Variants in ALX4 observed in about 807,000 individuals in gnomAD.
ALX4 encodes the protein ALX homeobox 4.
In ALX4, 22 loss-of-function variants were observed where a neutral mutation model predicts 40.6. The observed-to-expected ratio is 0.54, with a 90% CI of 0.39 to 0.77. The LOEUF is 0.77. ALX4 is among the 30% of genes least tolerant of loss of function. ALX4 has a pLI of 0.00. For synonymous variants in ALX4, 266 were observed against 240.5 expected (o/e 1.11, Z -0.98); for missense variants, 556 against 564.8 (o/e 0.98, Z 0.16).
chr11:44,303,315 C>T (rs1017809701), intron 1 of ALX4, among the ~76,000 whole-genome samples: 2 of 152,220 alleles, frequency 1.3e-5, no homozygotes, highest in Admixed American at 6.5e-5. Flanking sequence ...CTCTCTGCCC[C>T]CAATGTGCAG....
At chr11:44,305,836 A>G (rs950372510) in intron 1 of ALX4, among the ~76,000 whole-genome samples, 1 of 152,228 alleles carries the variant, frequency 6.6e-6, no homozygotes, top group African/African-American at 2.4e-5. Flanking sequence ...ACCTGTCGCC[A>G]CCGAATCGAA....
chr11:44,301,644 G>A (rs752796609), intron 1 of ALX4, among the ~76,000 whole-genome samples: 6 of 152,180 alleles, frequency 3.9e-5, no homozygotes, highest in Non-Finnish European at 7.3e-5. Flanking sequence ...TGGACTTATT[G>A]CAGGAGTCGC....
At chr11:44,283,677 C>T (rs997378131) in intron 1 of ALX4, among the ~76,000 whole-genome samples, 6 of 152,164 alleles carry the variant, frequency 3.9e-5, no homozygotes, top group African/African-American at 1.2e-4. Context: ...GATTGTCGGA[C>T]CTCGGCCTCC....
chr11:44,292,662 TA>T (rs1418157147), intron 1 of ALX4, among the ~76,000 whole-genome samples: 1 of 152,232 alleles, frequency 6.6e-6, no homozygotes. Context: ...TAATTATACC[TA>T]AAAGTTTTGG....
intron 1 of ALX4, among the ~76,000 whole-genome samples, chr11:44,276,464 A>AC (rs1233154453): frequency 7.2e-5 from 11 of 151,816 alleles, no homozygotes; most frequent in East Asian, 1.9e-4. Context: ...TGGCAGATGG[A>AC]CCCCCCACCC....
chr11:44,307,956 G>A (rs1284040071), intron 1 of ALX4, among the ~76,000 whole-genome samples: 1 of 152,060 alleles, frequency 6.6e-6, no homozygotes, highest in Non-Finnish European at 1.5e-5. Context: ...AACTGTGTGT[G>A]CCTGCATGTG....
chr11:44,293,132 GA>G (rs1182944458), intron 1 of ALX4, among the ~76,000 whole-genome samples: 5 of 58,110 alleles, frequency 8.6e-5, no homozygotes, highest in African/African-American at 2.5e-4. Context: ...AGGAAGGAAG[GA>G]AGGAAGGAAG....
At chr11:44,273,468 C>A (rs1392904466) in intron 2 of ALX4, among the ~76,000 whole-genome samples, 1 of 152,166 alleles carries the variant, frequency 6.6e-6, no homozygotes, top group Non-Finnish European at 1.5e-5. Flanking sequence ...GGGGCAGATA[C>A]AGCTCTCTGG....
chr11:44,264,536 G>T lies in ALX4; in HGVS notation c.*318C>A. ...TCATGGTCAACTAGGCAGAGCAGAGGAGTGGGCGGGAGCAAGAAAGCGCTT... is the reference window on the plus strand; with the variant it reads ...TCATGGTCAACTAGGCAGAGCAGAGTAGTGGGCGGGAGCAAGAAAGCGCTT... On this transcript the variant is annotated 3_prime_UTR_variant, in exon 4 of 4. Transcript: ENST00000652299. The T allele has an allele frequency of 2.2e-6, 1 of 456,044 alleles. No individual in the cohort carries two copies. Among genetic ancestry groups the T allele is most frequent in the Non-Finnish European group, 4.0e-6 (1 of 248,922 alleles). 28.2% of individuals were successfully genotyped at this position (456,044 alleles called of 1,614,324 possible).
chr11:44,273,283 T>C (rs1203176506), intron 2 of ALX4, among the ~76,000 whole-genome samples: 1 of 152,188 alleles, frequency 6.6e-6, no homozygotes, highest in East Asian at 1.9e-4. Flanking sequence ...GTGGCAACGT[T>C]TTATTTGCTA....
chr11:44,295,972 C>T (rs115051602), intron 1 of ALX4, among the ~76,000 whole-genome samples: 1,535 of 152,292 alleles, frequency 0.01, 24 homozygotes, highest in African/African-American at 0.035. Context: ...CTCCAGGTCC[C>T]GGAAAACAAA....
intron 1 of ALX4, among the ~76,000 whole-genome samples, chr11:44,304,697 C>A (rs117149578): frequency 3.5e-3 from 532 of 152,318 alleles, no homozygotes; most frequent in Non-Finnish European, 5.4e-3. Flanking sequence ...AGTTTGCCAC[C>A]AAAACAAAGC....
chr11:44,302,844 G>T (rs115835463), intron 1 of ALX4, among the ~76,000 whole-genome samples: 16 of 152,268 alleles, frequency 1.1e-4, no homozygotes, highest in African/African-American at 3.6e-4. Flanking sequence ...ACAAAAATGC[G>T]TGTGGGGGTG....
In ALX4 at chr11:44,267,296, C is replaced by T. The variant is rs139796231; in HGVS notation, c.906+198G>A. 2.6e-3 allele frequency among the ~76,000 whole-genome samples: 401 copies of T among 152,260 alleles called. 3 individuals carry two copies. The highest frequency in any genetic ancestry group is 9.2e-3 in the African/African-American group (384 of 41,550). On this transcript the variant is annotated intron_variant, in intron 3 of 3. Transcript: ENST00000652299. ...TTCCCTTCCCTAAAGTTCAGCCAAG[C>T]CTGGTTCAATGATTAGTTGGATAGA...
intron 1 of ALX4, among the ~76,000 whole-genome samples, chr11:44,288,261 GCACAGAGAGAGA>G (rs113141706): frequency 2.3e-4 from 35 of 152,230 alleles, no homozygotes; most frequent in African/African-American, 7.0e-4. Context: ...CAGAGCATAT[GCACAGAGAGAGA>G]CACAGAGAGA....
rs566965083 is a variant in ALX4, at chr11:44,282,804, A to G, written c.467-7146T>C. 3.3e-5 allele frequency among the ~76,000 whole-genome samples: 5 copies of G among 152,318 alleles called. No individual in the cohort carries two copies. In the South Asian group the frequency reaches 1.0e-3, roughly 32 times the overall value. On this transcript the variant is annotated intron_variant, in intron 1 of 3. Transcript: ENST00000652299. Reference sequence around the variant, plus strand: ...CTACGGGGACTCTAGGCAACAGATCACTGGTTGCCAGGTGTAGGAGGAGGG... The same window carrying G: ...CTACGGGGACTCTAGGCAACAGATCGCTGGTTGCCAGGTGTAGGAGGAGGG...
rs115050079 is a variant in ALX4 at position 44,302,623 on chromosome 11, A to T, written c.466+6974T>A. On this transcript the variant is annotated intron_variant, in intron 1 of 3. Coordinates refer to ENST00000652299, the MANE Select transcript of ALX4 (RefSeq NM_021926.4). ...GGGAAGATGAGTGGACACAGGGGCCATGAGCCCGGGGCCTCAGCTTGAGCC... is the reference window on the plus strand; with the variant it reads ...GGGAAGATGAGTGGACACAGGGGCCTTGAGCCCGGGGCCTCAGCTTGAGCC... 4.6e-3 allele frequency among the ~76,000 whole-genome samples: 696 copies of T among 152,334 alleles called. 5 individuals carry two copies. The highest frequency in any genetic ancestry group is 0.016 in the African/African-American group (673 of 41,574).
In ALX4 at chr11:44,265,832, G is replaced by A. The variant is rs75819113; in HGVS notation, c.907-649C>T. Among the ~76,000 whole-genome samples the A allele has an allele frequency of 5.2e-3, 785 of 152,264 alleles. 14 individuals are homozygous for A. The highest frequency in any genetic ancestry group is 0.04 in the East Asian group (205 of 5,170). On this transcript the variant is annotated intron_variant, in intron 3 of 3. Transcript: ENST00000652299. ...AGACCGGACCTCCTCGTGCCAAAGG[G>A]GCGAGGGCATGTGCAGGGATGAGTT...
rs1443974757 is a variant in ALX4, at chr11:44,309,614, A to C, written c.449T>G (p.Leu150Trp). The change falls in exon 1 of 4, where the codon TTG becomes TGG. Residue 150 changes from leucine to tryptophan, a missense_variant. By Grantham distance (61) the Leu-to-Trp change is moderately conservative. Transcript: ENST00000652299. ...QEGSSGHSAA[L>W]QVPCYAKESS... ...GCACTCACCGTAGCAGGGAACCTGC[A>C]AGGCCGCGCTGTGGCCGCTGCTGCC... 1 of 1,587,532 alleles carries C rather than the reference A, an allele frequency of 6.3e-7. No homozygotes were observed. Among genetic ancestry groups the C allele is most frequent in the African/African-American group, 1.3e-5 (1 of 74,118 alleles).
Sources: allele counts gnomAD v4.1 joint callset (sites outside exome capture counted in the v4.1 genomes callset), GRCh38; gene constraint gnomAD v4.1.1; transcripts MANE v1.5; gene names NCBI Gene and HGNC (gene_info 2026-07-23, HGNC 2026-07-21).